Variants in PGCKA1 observed in about 807,000 individuals in gnomAD.
PGCKA1 encodes PDCD10 and GCKIII kinases associated 1, also known as PDCD10 and GCKIII kinases-associated protein 1.
the PGCKA1 span, among the ~76,000 whole-genome samples, chr4:37,512,350 A>C: frequency 6.6e-6 from 1 of 152,184 alleles, no homozygotes; most frequent in Non-Finnish European, 1.5e-5. Flanking sequence ...CATAAGCATT[A>C]AATGGCCTTA....
chr4:37,567,146 T>A, the PGCKA1 span, among the ~76,000 whole-genome samples: 1 of 152,176 alleles, frequency 6.6e-6, no homozygotes, highest in Admixed American at 6.5e-5. Flanking sequence ...AATAACAACA[T>A]TAATAATACC....
At chr4:37,577,965 A>C in the PGCKA1 span, among the ~76,000 whole-genome samples, 1 of 152,230 alleles carries the variant, frequency 6.6e-6, no homozygotes, top group Non-Finnish European at 1.5e-5. Context: ...TTGTGACCTA[A>C]CATATGGTCT....
the PGCKA1 span, among the ~76,000 whole-genome samples, chr4:37,540,256 G>A: frequency 1.1e-4 from 17 of 152,174 alleles, no homozygotes; most frequent in Admixed American, 1.3e-4. Flanking sequence ...ATCACATTAT[G>A]TATATGCAAA....
the PGCKA1 span, among the ~76,000 whole-genome samples, chr4:37,550,910 G>A: frequency 1.3e-5 from 2 of 152,126 alleles, no homozygotes; most frequent in Non-Finnish European, 2.9e-5. Flanking sequence ...AGGTTCTAAA[G>A]GCCTCAATTA....
At chr4:37,530,568 T>C in the PGCKA1 span, among the ~76,000 whole-genome samples, 1 of 78,334 alleles carries the variant, frequency 1.3e-5, no homozygotes, top group Non-Finnish European at 2.4e-5. Flanking sequence ...AGTGAAACTA[T>C]GTCTCAAAAA....
At chr4:37,513,328 C>T in the PGCKA1 span, among the ~76,000 whole-genome samples, 11 of 152,334 alleles carry the variant, frequency 7.2e-5, no homozygotes, top group Admixed American at 3.9e-4. Context: ...ATACCACAGA[C>T]TGAGTGGCTT....
chr4:37,545,439 G>A, the PGCKA1 span, among the ~76,000 whole-genome samples: 5 of 152,146 alleles, frequency 3.3e-5, no homozygotes, highest in African/African-American at 7.2e-5. Flanking sequence ...AAGGAGTGCA[G>A]GAAGAGATTT....
chr4:37,556,569 T>C, the PGCKA1 span, among the ~76,000 whole-genome samples: 2 of 152,104 alleles, frequency 1.3e-5, no homozygotes, highest in Non-Finnish European at 2.9e-5. Context: ...CCAGCCCCTT[T>C]ATTAGTTTTT....
At chr4:37,453,311 G>C in the PGCKA1 span, among the ~76,000 whole-genome samples, 1 of 152,162 alleles carries the variant, frequency 6.6e-6, no homozygotes, top group African/African-American at 2.4e-5. Context: ...AAGGGATGGA[G>C]GGGGAGTGGG....
At chr4:37,476,424 C>A in the PGCKA1 span, among the ~76,000 whole-genome samples, 1 of 152,162 alleles carries the variant, frequency 6.6e-6, no homozygotes, top group Admixed American at 6.6e-5. Flanking sequence ...AGCCATATCC[C>A]TTCAGCATCT....
chr4:37,585,814 G>A, the PGCKA1 span, among the ~76,000 whole-genome samples: 4 of 148,764 alleles, frequency 2.7e-5, no homozygotes, highest in Non-Finnish European at 6.1e-5. Context: ...TGTTACACAT[G>A]TGTACACAGT....
the PGCKA1 span, among the ~76,000 whole-genome samples, chr4:37,548,067 T>C: frequency 0.015 from 2,281 of 151,442 alleles, 60 homozygotes; most frequent in African/African-American, 0.052. Flanking sequence ...ATATGGTAAA[T>C]TCTTGTCCTG....
At chr4:37,456,353 A>G in the PGCKA1 span, among the ~76,000 whole-genome samples, 1 of 152,226 alleles carries the variant, frequency 6.6e-6, no homozygotes, top group East Asian at 1.9e-4. Flanking sequence ...AGAATATCAT[A>G]GTCCCACAGA....
chr4:37,571,959 T>A, the PGCKA1 span, among the ~76,000 whole-genome samples: 1 of 151,158 alleles, frequency 6.6e-6, no homozygotes, highest in South Asian at 2.1e-4. Context: ...ATAACATGGA[T>A]TTCCTGGAGG....
chr4:37,591,040 T>G, the PGCKA1 span: 3 of 1,541,690 alleles, frequency 1.9e-6, no homozygotes, highest in Non-Finnish European at 2.6e-6. Flanking sequence ...GGTGTCATGC[T>G]GAGCATGCAG....
the PGCKA1 span, among the ~76,000 whole-genome samples, chr4:37,535,039 A>G: frequency 6.6e-6 from 1 of 152,326 alleles, no homozygotes; most frequent in South Asian, 2.1e-4. Context: ...GGTGCAAGAG[A>G]GTGCCATGAG....
chr4:37,474,937 A>T, the PGCKA1 span, among the ~76,000 whole-genome samples: 6 of 152,324 alleles, frequency 3.9e-5, no homozygotes, highest in African/African-American at 1.4e-4. Flanking sequence ...GGGTGTTTAT[A>T]AAAAATTAGT....
the PGCKA1 span, among the ~76,000 whole-genome samples, chr4:37,534,740 C>G: frequency 6.6e-6 from 1 of 152,144 alleles, no homozygotes; most frequent in Non-Finnish European, 1.5e-5. Flanking sequence ...CCTTCAACCT[C>G]TTTTGTAAGG....
At chr4:37,581,070 G>A in the PGCKA1 span, among the ~76,000 whole-genome samples, 4 of 152,074 alleles carry the variant, frequency 2.6e-5, no homozygotes, top group African/African-American at 9.7e-5. This position sits in a 1 kb window ranked among gnomAD's most constrained non-coding sequence, Gnocchi z 4.4. Context: ...GTTCACTTAA[G>A]GCCCAAGGGC....
Sources: gnomAD v4.1 joint callset for allele counts (sites outside exome capture counted in the v4.1 genomes callset) on GRCh38, gnomAD v4.1.1 for gene constraint, Gnocchi (gnomAD v3.1) non-coding constraint, MANE v1.5 for transcripts, NCBI Gene and HGNC (gene_info 2026-07-23, HGNC 2026-07-21) for gene names.